Variants in RARB observed in about 807,000 individuals in gnomAD.
RARB encodes HBV-activated protein.
RARB carries 17 observed loss-of-function variants against 51.9 expected under a neutral mutation model. The ratio of observed to expected loss-of-function variants is 0.33; its 90% CI spans 0.22 to 0.49. RARB has a LOEUF of 0.49. Among genes scored for constraint, RARB ranks in the 20% least tolerant of loss-of-function variants. RARB has a pLI of 0.99. For synonymous variants in RARB, 215 were observed against 195.4 expected, an observed-to-expected ratio of 1.10 and a Z score of -0.84; for missense variants, 369 against 550.8, an observed-to-expected ratio of 0.67 and a Z score of 3.30.
chr3:25,267,220 C>G (rs571798091), intron 5 of RARB, among the ~76,000 whole-genome samples: 206 of 152,328 alleles, frequency 1.4e-3, no homozygotes, highest in Non-Finnish European at 2.4e-3. Flanking sequence ...GTTTACTAAG[C>G]ACCTTCATTT....
At chr3:25,464,872 A>G (rs182167071) in intron 2 of RARB, among the ~76,000 whole-genome samples, 303 of 152,286 alleles carry the variant, frequency 2.0e-3, no homozygotes, top group African/African-American at 7.0e-3. Flanking sequence ...ATCTTTAATA[A>G]TATTTTATGA....
chr3:25,283,707 C>T (rs1349666500), intron 5 of RARB, among the ~76,000 whole-genome samples: 1 of 152,186 alleles, frequency 6.6e-6, no homozygotes, highest in Non-Finnish European at 1.5e-5. Flanking sequence ...GGCTGCTGTA[C>T]TGAGCTGGAT....
chr3:25,593,387 GGACA>G, intron 5 of RARB, 112 bp from the exon 6 acceptor site: 1 of 940,242 alleles, frequency 1.1e-6, no homozygotes. Context: ...TGTGAAAGGG[GGACA>G]GACTGCCCCA....
chr3:25,203,332 T>G (rs1701445610), intron 5 of RARB, among the ~76,000 whole-genome samples: 1 of 152,216 alleles, frequency 6.6e-6, no homozygotes, highest in Non-Finnish European at 1.5e-5. Context: ...TGTCTCTGCA[T>G]GTGAGATGGG....
At chr3:25,137,251 A>G (rs1276610567) in intron 4 of RARB, among the ~76,000 whole-genome samples, 3 of 152,084 alleles carry the variant, frequency 2.0e-5, no homozygotes, top group Non-Finnish European at 4.4e-5. Context: ...AGTTGAAGGA[A>G]TTTTTAATGT....
In RARB at chr3:25,563,391, T is replaced by C. The variant is rs76032335; in HGVS notation, c.449-6367T>C. Among the ~76,000 whole-genome samples the C allele has an allele frequency of 3.3e-5, 5 of 152,342 alleles. No individual in the cohort carries two copies. The East Asian group carries it at 9.6e-4, about 29-fold the overall frequency. ...GTGGCAAGAAAACTTAGCTGCAGCC[T>C]CATTCACTGACCTTTTTTCTCTGTA... On this transcript the variant is annotated intron_variant, in intron 3 of 7. Coordinates refer to ENST00000330688, the MANE Select transcript of RARB (RefSeq NM_000965.5).
intron 5 of RARB, among the ~76,000 whole-genome samples, chr3:25,420,247 C>T (rs1707822909): frequency 6.6e-6 from 1 of 152,182 alleles, no homozygotes; most frequent in South Asian, 2.1e-4. Context: ...CTCTGTCAGA[C>T]ACTAGGATGA....
At chr3:24,914,383 G>A (rs1197363805) in intron 2 of RARB, among the ~76,000 whole-genome samples, 1 of 152,160 alleles carries the variant, frequency 6.6e-6, no homozygotes, top group Admixed American at 6.5e-5. Flanking sequence ...TGGGGGCAGG[G>A]TAAGACAGGT....
At chr3:25,291,480 T>G (rs1213847667) in intron 5 of RARB, among the ~76,000 whole-genome samples, 1 of 150,738 alleles carries the variant, frequency 6.6e-6, no homozygotes, top group African/African-American at 2.4e-5. Flanking sequence ...TGTTTGCTTT[T>G]TTTTTTTTTT....
chr3:25,524,698 T>A (rs1196497387), intron 3 of RARB, among the ~76,000 whole-genome samples: 2 of 148,994 alleles, frequency 1.3e-5, no homozygotes, highest in Non-Finnish European at 3.0e-5. Flanking sequence ...TTTCTGTCCC[T>A]TTTTCCTCCC....
intron 1 of RARB, among the ~76,000 whole-genome samples, chr3:25,442,335 C>A (rs1198880964): frequency 2.0e-5 from 3 of 152,042 alleles, no homozygotes; most frequent in African/African-American, 7.2e-5. Context: ...GGGGTTTCAT[C>A]ATATTGGTCA....
intron 5 of RARB, among the ~76,000 whole-genome samples, chr3:25,333,912 C>A (rs1704980613): frequency 2.0e-5 from 3 of 152,248 alleles, no homozygotes; most frequent in African/African-American, 4.8e-5. Flanking sequence ...ATGCAGCCAA[C>A]AGACACATGA....
intron 2 of RARB, among the ~76,000 whole-genome samples, chr3:24,982,990 A>C (rs1232341461): frequency 6.6e-6 from 1 of 152,218 alleles, no homozygotes; most frequent in Admixed American, 6.5e-5. Context: ...CTTTTCATAT[A>C]TAAACATATA....
chr3:24,831,851 A>C (rs1702287047), intron 1 of RARB, among the ~76,000 whole-genome samples: 1 of 152,138 alleles, frequency 6.6e-6, no homozygotes, highest in Non-Finnish European at 1.5e-5. Flanking sequence ...AATCATAACA[A>C]AACTAAATTG....
At chr3:25,569,630 C>G in intron 3 of RARB, 128 bp from the exon 4 acceptor site, 1 of 1,121,468 alleles carries the variant, frequency 8.9e-7, no homozygotes, top group Admixed American at 2.4e-5. Context: ...TTATTACCAC[C>G]TCTTCCCACT....
chr3:25,423,580 T>C (rs1048111244), upstream of RARB, among the ~76,000 whole-genome samples: 5 of 152,228 alleles, frequency 3.3e-5, no homozygotes, highest in Admixed American at 6.5e-5. Context: ...TGGCACATGG[T>C]AGGTATTCAA....
intron 5 of RARB, among the ~76,000 whole-genome samples, chr3:25,586,442 G>A (rs1701393072): frequency 6.6e-6 from 1 of 152,148 alleles, no homozygotes; most frequent in Non-Finnish European, 1.5e-5. Flanking sequence ...GTGAATATTT[G>A]TGAATGGATG....
At chr3:25,486,278 T>C (rs1486327900) in intron 2 of RARB, among the ~76,000 whole-genome samples, 1 of 152,174 alleles carries the variant, frequency 6.6e-6, no homozygotes, top group Admixed American at 6.5e-5. Flanking sequence ...CAAATATCAG[T>C]GCTAGAAGGC....
At chr3:25,302,072 G>A (rs1049847925) in intron 5 of RARB, among the ~76,000 whole-genome samples, 14 of 152,204 alleles carry the variant, frequency 9.2e-5, no homozygotes, top group Admixed American at 3.9e-4. Context: ...CATAATCACA[G>A]TGAGATACTA....
Sources: gnomAD v4.1 joint callset for allele counts (sites outside exome capture counted in the v4.1 genomes callset) on GRCh38, gnomAD v4.1.1 for gene constraint, MANE v1.5 for transcripts, NCBI Gene and HGNC (gene_info 2026-07-23, HGNC 2026-07-21) for gene names.